PDE11A: variants seen among roughly 807,000 people sequenced by gnomAD.
PDE11A encodes the protein phosphodiesterase 11A.
A neutral mutation model predicts 100.5 loss-of-function variants in PDE11A; 100 were observed. That is an observed-to-expected ratio of 1.00 (90% CI 0.85 to 1.18). The LOEUF (loss-of-function observed/expected upper bound fraction) is 1.18, where lower values mean the gene tolerates loss of function less well. PDE11A is among the 50% of genes most tolerant of loss of function. The pLI is 0.00. For missense variants in PDE11A, 1,141 were observed against 1,152.6 expected (o/e 0.99, Z 0.15); for synonymous variants, 381 against 420.8 (o/e 0.91, Z 1.16).
chr2:178,045,936 AT>A (rs1472808865), intron 1 of PDE11A, among the ~76,000 whole-genome samples: 1 of 152,180 alleles, frequency 6.6e-6, no homozygotes, highest in Non-Finnish European at 1.5e-5. Context: ...CCTGAATGTA[AT>A]CCTTAATATT....
chr2:177,853,895 G>GATATATATGTATATATGTGC (rs2083780515), intron 5 of PDE11A, among the ~76,000 whole-genome samples: 2 of 131,868 alleles, frequency 1.5e-5, no homozygotes, highest in African/African-American at 2.8e-5. Flanking sequence ...TATGTGTATA[G>GATATATATGTATATATGTGC]ATATATATGT....
At chr2:177,873,191 A>G (rs1467942533) in intron 5 of PDE11A, among the ~76,000 whole-genome samples, 1 of 152,212 alleles carries the variant, frequency 6.6e-6, no homozygotes. Context: ...CATGTTCAGC[A>G]GTATAAAAAA....
intron 2 of PDE11A, among the ~76,000 whole-genome samples, chr2:178,082,077 C>T (rs914336347): frequency 6.6e-6 from 1 of 152,212 alleles, no homozygotes; most frequent in African/African-American, 2.4e-5. Flanking sequence ...ATCTCAATTT[C>T]CCTTTTGCAT....
At chr2:177,710,408 G>A (rs953994211) in intron 13 of PDE11A, among the ~76,000 whole-genome samples, 3 of 152,160 alleles carry the variant, frequency 2.0e-5, no homozygotes, top group African/African-American at 7.2e-5. Context: ...CACAAGTTTG[G>A]TATATGAAAC....
chr2:177,651,742 C>T (rs1310228809), intron 19 of PDE11A, among the ~76,000 whole-genome samples: 1 of 151,944 alleles, frequency 6.6e-6, no homozygotes, highest in South Asian at 2.1e-4. Context: ...AACCTAAATT[C>T]GATGATGATA....
At chr2:177,925,415 T>G (rs975389944) in intron 2 of PDE11A, among the ~76,000 whole-genome samples, 1 of 151,744 alleles carries the variant, frequency 6.6e-6, no homozygotes, top group African/African-American at 2.4e-5. Flanking sequence ...TTTTAATGAT[T>G]GCCATTCTAA....
chr2:177,776,160 A>G (rs2082374547), intron 9 of PDE11A, among the ~76,000 whole-genome samples: 1 of 152,214 alleles, frequency 6.6e-6, no homozygotes, highest in South Asian at 2.1e-4. Flanking sequence ...CAATGTAGGT[A>G]GGATCACCAG....
intron 9 of PDE11A, among the ~76,000 whole-genome samples, chr2:177,794,253 G>A (rs1467735786): frequency 1.3e-5 from 2 of 152,320 alleles, no homozygotes; most frequent in African/African-American, 4.8e-5. Flanking sequence ...GAGAGAGCAA[G>A]CCGTGTGGAT....
intron 9 of PDE11A, among the ~76,000 whole-genome samples, chr2:177,782,025 A>G (rs2082461852): frequency 6.6e-6 from 1 of 152,192 alleles, no homozygotes; most frequent in South Asian, 2.1e-4. Flanking sequence ...TTAAATCTCA[A>G]TCTAATTTTT....
At chr2:177,827,718 A>G (rs2105598489) in intron 6 of PDE11A, among the ~76,000 whole-genome samples, 1 of 152,366 alleles carries the variant, frequency 6.6e-6, no homozygotes. Context: ...AAGTGCAACT[A>G]ACTACAGAAA....
At chr2:177,834,409 T>C (rs552123447) in intron 6 of PDE11A, among the ~76,000 whole-genome samples, 79 of 152,340 alleles carry the variant, frequency 5.2e-4, no homozygotes, top group Middle Eastern at 3.4e-3. Flanking sequence ...GTCTTTTCCA[T>C]GGATTTTCCT....
intron 2 of PDE11A, among the ~76,000 whole-genome samples, chr2:178,093,915 C>G (rs28589982): frequency 0.015 from 2,335 of 152,202 alleles, 55 homozygotes; most frequent in African/African-American, 0.053. Flanking sequence ...CCAGGCCTGC[C>G]AGTCTTTGCC....
chr2:177,879,889 C>T (rs1269720207), intron 4 of PDE11A, among the ~76,000 whole-genome samples: 2 of 152,156 alleles, frequency 1.3e-5, no homozygotes, highest in African/African-American at 4.8e-5. Flanking sequence ...AATGTTAGAA[C>T]ATCTTACTCC....
intron 5 of PDE11A, among the ~76,000 whole-genome samples, chr2:177,850,347 A>G (rs2083679731): frequency 6.6e-6 from 1 of 152,192 alleles, no homozygotes; most frequent in African/African-American, 2.4e-5. Context: ...GAAAGCTGAA[A>G]CTGGATCCCT....
chr2:177,930,066 G>T (rs1350908488), intron 2 of PDE11A, among the ~76,000 whole-genome samples: 1 of 152,104 alleles, frequency 6.6e-6, no homozygotes, highest in African/African-American at 2.4e-5. Flanking sequence ...TAATACTTTA[G>T]ATTTCTCATT....
At chr2:177,768,800 G>C (rs779254172) in intron 10 of PDE11A, among the ~76,000 whole-genome samples, 1 of 152,148 alleles carries the variant, frequency 6.6e-6, no homozygotes, top group Non-Finnish European at 1.5e-5. Context: ...TTTGACCTTG[G>C]CCTGGCATCT....
At chr2:177,863,753 G>C (rs2083983318) in intron 5 of PDE11A, among the ~76,000 whole-genome samples, 1 of 151,896 alleles carries the variant, frequency 6.6e-6, no homozygotes, top group African/African-American at 2.4e-5. Flanking sequence ...AATATAGATT[G>C]GTACAACTAT....
intron 5 of PDE11A, among the ~76,000 whole-genome samples, chr2:177,871,524 AAATTATTATTATT>A (rs1558983850): frequency 7.5e-6 from 1 of 134,218 alleles, no homozygotes; most frequent in African/African-American, 2.7e-5. Context: ...AGTCAGTAGT[AAATTATTATTATT>A]ATTATTATTA....
At chr2:177,811,755 C>G (rs2082951824) in intron 9 of PDE11A, among the ~76,000 whole-genome samples, 1 of 152,054 alleles carries the variant, frequency 6.6e-6, no homozygotes, top group Non-Finnish European at 1.5e-5. Flanking sequence ...ATGCCCTAGA[C>G]TTTTCTGCAG....
Sources: allele counts gnomAD v4.1 joint callset (sites outside exome capture counted in the v4.1 genomes callset), GRCh38; gene constraint gnomAD v4.1.1; transcripts MANE v1.5; gene names NCBI Gene and HGNC (gene_info 2026-07-23, HGNC 2026-07-21).